SPAG9: variants seen among roughly 807,000 people sequenced by gnomAD.
The protein encoded by SPAG9 is sperm associated antigen 9.
Under a neutral mutation model 166.5 loss-of-function variants are expected in SPAG9, and 35 were observed. The ratio of observed to expected loss-of-function variants is 0.21; its 90% CI spans 0.16 to 0.28. The LOEUF is 0.28. Among genes scored for constraint, SPAG9 ranks in the 10% least tolerant of loss-of-function variants. The pLI is 1.00. For synonymous variants in SPAG9, 534 were observed against 565.5 expected, an observed-to-expected ratio of 0.94 and a Z score of 0.79; for missense variants, 1,235 against 1,603.3, an observed-to-expected ratio of 0.77 and a Z score of 3.92.
intron 6 of SPAG9, among the ~76,000 whole-genome samples, chr17:51,024,059 G>A (rs1306091204): frequency 6.6e-6 from 1 of 152,166 alleles, no homozygotes; most frequent in Non-Finnish European, 1.5e-5. Flanking sequence ...ATTTTGGGAG[G>A]CCCAGGCAGG....
At chr17:51,015,431 G>T (rs1325553304) in intron 8 of SPAG9, among the ~76,000 whole-genome samples, 1 of 152,110 alleles carries the variant, frequency 6.6e-6, no homozygotes, top group Non-Finnish European at 1.5e-5. Context: ...AATAATGGAA[G>T]CCAAGTTTAA....
intron 1 of SPAG9, among the ~76,000 whole-genome samples, chr17:51,085,877 G>C (rs1204106822): frequency 5.4e-5 from 8 of 149,432 alleles, no homozygotes; most frequent in African/African-American, 2.0e-4. Flanking sequence ...AGTTCTAAAA[G>C]AAATCAAGGA....
At chr17:50,973,963 A>G (rs1974023399) in intron 28 of SPAG9, among the ~76,000 whole-genome samples, 1 of 152,294 alleles carries the variant, frequency 6.6e-6, no homozygotes, top group African/African-American at 2.4e-5. Flanking sequence ...CATGCATCCT[A>G]TTGGTTCTGT....
In SPAG9 at chr17:50,998,610, G is replaced by A; in HGVS notation, c.1672C>T (p.Arg558Ter). The A allele has an allele frequency of 1.2e-6, 2 of 1,613,902 alleles. No individual in the cohort carries two copies. The highest frequency in any genetic ancestry group is 1.7e-6 in the Non-Finnish European group (2 of 1,179,904). Residue 558 changes from arginine (R) to a stop codon, truncating the protein, a stop_gained, in exon 15 of 30, where the codon CGA (arginine) becomes TGA (stop). Transcript: ENST00000262013. LOFTEE classifies it high-confidence loss of function. Reference sequence around the variant, plus strand: ...GTGTTACTTGAGGAGCTGAAAAGTCGGCTGAAACTAAAAGAAGACAGTATG... The same window carrying A: ...GTGTTACTTGAGGAGCTGAAAAGTCAGCTGAAACTAAAAGAAGACAGTATG... ...KRSSIWQFFSRLFSSSSNTTK... is the reference protein window; with the variant it reads ...KRSSIWQFFS
At chr17:51,112,391 G>T (rs913652903) in intron 1 of SPAG9, among the ~76,000 whole-genome samples, 1 of 127,740 alleles carries the variant, frequency 7.8e-6, no homozygotes, top group Admixed American at 8.1e-5. Context: ...AAAAAAAAAA[G>T]GCCAGGCGCA....
intron 5 of SPAG9, 180 bp from the exon 6 acceptor site, chr17:51,031,902 G>A (rs1225318877): frequency 1.5e-6 from 1 of 684,346 alleles, no homozygotes; most frequent in Non-Finnish European, 2.7e-6. Flanking sequence ...TAACACTCTA[G>A]TTTAAGTAAT....
intron 2 of SPAG9, among the ~76,000 whole-genome samples, chr17:51,067,801 C>T (rs1240372505): frequency 5.9e-5 from 9 of 152,066 alleles, no homozygotes; most frequent in Non-Finnish European, 7.4e-5. Flanking sequence ...CAAAATTTCC[C>T]CTTTAGAATA....
At chr17:50,980,621 A>G (rs1024080016) in intron 25 of SPAG9, among the ~76,000 whole-genome samples, 41 of 151,744 alleles carry the variant, frequency 2.7e-4, no homozygotes, top group Non-Finnish European at 4.3e-4. Context: ...TAATCCCAGC[A>G]CTTTGGAAGG....
At chr17:51,115,246 C>T (rs901251427) in intron 1 of SPAG9, among the ~76,000 whole-genome samples, 1 of 151,914 alleles carries the variant, frequency 6.6e-6, no homozygotes, top group Admixed American at 6.6e-5. Flanking sequence ...GCTGGAGTGC[C>T]GTGGCCATGA....
In SPAG9 at chr17:50,966,342, A is replaced by T. The variant is rs1480390140; in HGVS notation, c.3896T>A (p.Leu1299His). 7 of 1,613,910 alleles carry T rather than the reference A, an allele frequency of 4.3e-6. No individual in the cohort carries two copies. The African/African-American group carries it at 9.3e-5, about 22-fold the overall frequency. The change falls in exon 30 of 30, where the codon CTT becomes CAT. Residue 1299 changes from leucine to histidine, a missense_variant. Leu to His is a moderately conservative substitution (Grantham distance 99). This residue lies in a region of SPAG9 where 243 missense variants were observed against 358.6 expected (regional missense o/e 0.68). Transcript: ENST00000262013. ...TTCTGCTTTGGTGACAGAAGGTTCA[A>T]GTGGAAGATCCTCTCCAAGAAGTTC... ...ESELLGEDLP[L>H]EPSVTKAERS...
At chr17:51,012,687 G>A (rs1195030579) in intron 9 of SPAG9, among the ~76,000 whole-genome samples, 1 of 151,572 alleles carries the variant, frequency 6.6e-6, no homozygotes, top group Non-Finnish European at 1.5e-5. Context: ...CTAACTATAT[G>A]TACTTAAAAT....
chr17:51,006,744 C>A (rs1295107058), intron 10 of SPAG9, among the ~76,000 whole-genome samples: 1 of 152,184 alleles, frequency 6.6e-6, no homozygotes, highest in African/African-American at 2.4e-5. Flanking sequence ...ACACAGCAAA[C>A]TGACAAAGGA....
At chr17:51,086,314 G>A (rs1268205489) in intron 1 of SPAG9, among the ~76,000 whole-genome samples, 1 of 151,398 alleles carries the variant, frequency 6.6e-6, no homozygotes, top group Non-Finnish European at 1.5e-5. Context: ...TTAAGTCTTG[G>A]TTTGGAAACG....
chr17:51,077,011 TAGCTAGCTATCTAG>T lies in SPAG9; in HGVS notation c.424+2559_424+2572del, dbSNP rs1568065280. Among the ~76,000 whole-genome samples the T allele has an allele frequency of 1.2e-3, 124 of 106,734 alleles. 3 individuals are homozygous for T. Among genetic ancestry groups the T allele is most frequent in the Middle Eastern group, 9.5e-3 (2 of 210 alleles). 70.0% of individuals were successfully genotyped at this position (106,734 alleles called of 152,430 possible). On this transcript the variant is annotated intron_variant, in intron 2 of 29. Coordinates refer to ENST00000262013, the MANE Select transcript of SPAG9 (RefSeq NM_001130528.3). Reference sequence around the variant, plus strand: ...CTAGCTATCTAGCTATCTAGCTAGCTAGCTAGCTATCTAGCTATCTATCTAGCTATCTAGCTATC... The same window carrying T: ...CTAGCTATCTAGCTATCTAGCTAGCTCTATCTATCTAGCTATCTAGCTATC...
At chr17:51,071,382 C>A (rs2047816108) in intron 2 of SPAG9, among the ~76,000 whole-genome samples, 1 of 152,194 alleles carries the variant, frequency 6.6e-6, no homozygotes, top group African/African-American at 2.4e-5. Context: ...CAATTCACAA[C>A]TTCCTTATTC....
At chr17:50,981,355 T>G (rs554543839) in intron 25 of SPAG9, among the ~76,000 whole-genome samples, 1 of 152,194 alleles carries the variant, frequency 6.6e-6, no homozygotes, top group South Asian at 2.1e-4. Flanking sequence ...ACTTCTGGTC[T>G]CAAGCATTTT....
intron 1 of SPAG9, among the ~76,000 whole-genome samples, chr17:51,106,104 C>CCT (rs1466848766): frequency 4.3e-5 from 1 of 23,352 alleles, no homozygotes; most frequent in Admixed American, 4.6e-4. Flanking sequence ...CCCATCTCTA[C>CCT]ACACACACAC....
At chr17:51,039,618 AG>A (rs1177749861) in intron 5 of SPAG9, among the ~76,000 whole-genome samples, 1 of 152,188 alleles carries the variant, frequency 6.6e-6, no homozygotes, top group Non-Finnish European at 1.5e-5. Context: ...GTCCTCCTCT[AG>A]GGAGGACACG....
intron 4 of SPAG9, among the ~76,000 whole-genome samples, chr17:51,041,983 T>G (rs2046856577): frequency 6.6e-6 from 1 of 152,158 alleles, no homozygotes; most frequent in Non-Finnish European, 1.5e-5. Context: ...TAACCATACG[T>G]AGCTTAGCCC....
Sources: allele counts gnomAD v4.1 joint callset (sites outside exome capture counted in the v4.1 genomes callset), GRCh38; gene constraint gnomAD v4.1.1; regional missense constraint gnomAD v4.1.1; transcripts MANE v1.5; gene names NCBI Gene and HGNC (gene_info 2026-07-23, HGNC 2026-07-21).